The following ESR1 variants were observed in gnomAD, a reference collection of about 807,000 sequenced individuals.
ESR1 encodes the protein estrogen receptor.
In ESR1, 12 loss-of-function variants were observed where a neutral mutation model predicts 52.7. The ratio of observed to expected loss-of-function variants is 0.23; its 90% CI spans 0.15 to 0.37. The LOEUF is 0.37. ESR1 is among the 10% of genes least tolerant of loss of function. The pLI is 1.00. For synonymous variants in ESR1, 305 were observed against 316.8 expected, an observed-to-expected ratio of 0.96 and a Z score of 0.39; for missense variants, 584 against 779.7, an observed-to-expected ratio of 0.75 and a Z score of 2.99.
chr6:152,063,857 A>G (rs2047748564), intron 6 of ESR1, among the ~76,000 whole-genome samples: 1 of 152,162 alleles, frequency 6.6e-6, no homozygotes, highest in Non-Finnish European at 1.5e-5. Flanking sequence ...GTTGAGCCCC[A>G]GTCGCCAAGG....
chr6:151,792,474 C>G (rs952630560), intron 2 of ESR1, among the ~76,000 whole-genome samples: 5 of 151,296 alleles, frequency 3.3e-5, no homozygotes, highest in African/African-American at 7.3e-5. Context: ...GGGTCTTGCT[C>G]TGTTGGCCAG....
At chr6:151,663,005 A>G (rs1218374205) in intron 1 of ESR1, among the ~76,000 whole-genome samples, 1 of 152,164 alleles carries the variant, frequency 6.6e-6, no homozygotes, top group East Asian at 1.9e-4. Flanking sequence ...ATTATAAACC[A>G]CTTAAGTTAT....
At chr6:151,776,809 G>C (rs1431611264) in intron 2 of ESR1, among the ~76,000 whole-genome samples, 14 of 150,916 alleles carry the variant, frequency 9.3e-5, no homozygotes. Flanking sequence ...CTGCACTCCA[G>C]CCTGGGCAAC....
chr6:151,894,372 G>C (rs1795148880), intron 3 of ESR1, among the ~76,000 whole-genome samples: 1 of 151,764 alleles, frequency 6.6e-6, no homozygotes, highest in Non-Finnish European at 1.5e-5. Context: ...CTCCTTTTGT[G>C]CAAAAGCTCT....
intron 1 of ESR1, among the ~76,000 whole-genome samples, chr6:151,818,907 A>G (rs3844508): frequency 0.23 from 34,474 of 152,008 alleles, 4,926 homozygotes; most frequent in African/African-American, 0.41. Context: ...CTTCCTCTGC[A>G]TAAAAGACCT....
intron 4 of ESR1, among the ~76,000 whole-genome samples, chr6:151,987,080 AT>A (rs1360459342): frequency 1.3e-5 from 2 of 150,442 alleles, no homozygotes; most frequent in Non-Finnish European, 3.0e-5. Context: ...GATCACTTAC[AT>A]TTCCTCACAG....
At chr6:151,986,342 T>G (rs2040485792) in intron 4 of ESR1, among the ~76,000 whole-genome samples, 1 of 152,150 alleles carries the variant, frequency 6.6e-6, no homozygotes, top group South Asian at 2.1e-4. Context: ...GTTGCTTTTC[T>G]TTTTCTGTGT....
Position 152,123,582 on chromosome 6 carries a change from C to T in ESR1, c.851-1684C>T, listed in dbSNP as rs2052229170. ...ATTCTGAGTTGGGTGCTACTGTTTT[C>T]TTTTTGTGAACAGCCATTACCTTTT... On this transcript the variant is annotated intron_variant, in intron 6 of 6. Coordinates refer to the ESR1 transcript ENST00000427531. 2.6e-5 allele frequency among the ~76,000 whole-genome samples: 4 copies of T among 152,172 alleles called. No homozygotes were observed. In the South Asian group the frequency reaches 8.3e-4, roughly 32 times the overall value.
At chr6:151,901,342 G>A (rs1033141519) in intron 3 of ESR1, among the ~76,000 whole-genome samples, 1 of 152,188 alleles carries the variant, frequency 6.6e-6, no homozygotes, top group Admixed American at 6.5e-5. Flanking sequence ...GCAAGGCTAA[G>A]AACTTGCCGC....
intron 2 of ESR1, among the ~76,000 whole-genome samples, chr6:151,872,572 A>G (rs1419905877): frequency 4.6e-5 from 7 of 152,200 alleles, no homozygotes; most frequent in Non-Finnish European, 5.9e-5. Context: ...ACTTTTGTGT[A>G]AAAACATTTT....
chr6:152,014,947 A>G (rs1197383359), intron 5 of ESR1, among the ~76,000 whole-genome samples: 1 of 152,084 alleles, frequency 6.6e-6, no homozygotes, highest in Non-Finnish European at 1.5e-5. Flanking sequence ...CATGCCTGTA[A>G]TCCCAGCTAC....
intron 3 of ESR1, among the ~76,000 whole-genome samples, chr6:151,920,714 A>G (rs1402041191): frequency 6.6e-6 from 1 of 151,934 alleles, no homozygotes; most frequent in East Asian, 1.9e-4. Context: ...ACTGGCTTTA[A>G]TGTGTTTTGG....
At chr6:151,937,516 T>TA (rs2034504919) in intron 3 of ESR1, among the ~76,000 whole-genome samples, 1 of 151,956 alleles carries the variant, frequency 6.6e-6, no homozygotes, top group Non-Finnish European at 1.5e-5. Context: ...ACCTATGAAC[T>TA]AGGAGGGAGG....
intron 6 of ESR1, among the ~76,000 whole-genome samples, chr6:152,062,235 G>A (rs2047604404): frequency 6.6e-6 from 1 of 151,778 alleles, no homozygotes; most frequent in Non-Finnish European, 1.5e-5. Flanking sequence ...CCCCACCACT[G>A]CTAGGAACCT....
intron 1 of ESR1, among the ~76,000 whole-genome samples, chr6:151,700,216 G>T (rs567964875): frequency 1.3e-5 from 2 of 152,324 alleles, no homozygotes; most frequent in East Asian, 3.9e-4. Flanking sequence ...TTAGTGGGTT[G>T]AAGTGGTGGA....
At chr6:151,939,673 A>G (rs1244620431) in intron 3 of ESR1, among the ~76,000 whole-genome samples, 1 of 152,132 alleles carries the variant, frequency 6.6e-6, no homozygotes, top group Non-Finnish European at 1.5e-5. Flanking sequence ...TATCACCAAT[A>G]ATGTGCAAAA....
intron 5 of ESR1, among the ~76,000 whole-genome samples, chr6:152,058,162 A>G (rs1358406403): frequency 6.6e-6 from 1 of 151,960 alleles, no homozygotes; most frequent in Non-Finnish European, 1.5e-5. Flanking sequence ...TCCTCCAAAC[A>G]TTTTCCCCTA....
chr6:152,100,517 C>A lies in ESR1; in HGVS notation c.*1551C>A, dbSNP rs1585261473. 4.2e-6 allele frequency: 1 copy of A among 236,072 alleles called. No homozygotes were observed. The highest frequency in any genetic ancestry group is 1.2e-3 in the Middle Eastern group (1 of 802). 14.6% of individuals were successfully genotyped at this position (236,072 alleles called of 1,614,324 possible). On this transcript the variant is annotated 3_prime_UTR_variant, in exon 8 of 8. Transcript: ENST00000206249. ...AAGGCTCATTCCAGCCACAGGGCAG[C>A]CTTCCCTGGGCCTTTGCTTCTCTAG...
intron 5 of ESR1, among the ~76,000 whole-genome samples, chr6:152,030,070 A>C (rs577058775): frequency 3.2e-4 from 49 of 152,208 alleles, no homozygotes; most frequent in African/African-American, 1.0e-3. Context: ...GAAATAAAAT[A>C]CTTTACAGAC....
Sources: gnomAD v4.1 joint callset for allele counts (sites outside exome capture counted in the v4.1 genomes callset) on GRCh38, gnomAD v4.1.1 for gene constraint, MANE v1.5 for transcripts, NCBI Gene and HGNC (gene_info 2026-07-23, HGNC 2026-07-21) for gene names.